The following PLCG2 variants were observed in gnomAD, a reference collection of about 807,000 sequenced individuals.
The protein encoded by PLCG2 is phospholipase C gamma 2, also known as 1-phosphatidylinositol 4,5-bisphosphate phosphodiesterase gamma-2.
Under a neutral mutation model 175.6 loss-of-function variants are expected in PLCG2, and 69 were observed. The observed-to-expected ratio is 0.39, with a 90% CI of 0.32 to 0.48. PLCG2 has a LOEUF of 0.48. Among genes scored for constraint, PLCG2 ranks in the 20% least tolerant of loss-of-function variants. The pLI, the probability that PLCG2 is intolerant of heterozygous loss-of-function variation, is 0.91. For missense variants in PLCG2, 1,798 were observed against 1,650.9 expected (o/e 1.09, Z -1.54); for synonymous variants, 827 against 624.0 (o/e 1.33, Z -4.85).
At chr16:81,942,659 T>TTTATC (rs1369372493) in intron 30 of PLCG2, among the ~76,000 whole-genome samples, 1 of 152,146 alleles carries the variant, frequency 6.6e-6, no homozygotes, top group African/African-American at 2.4e-5. Context: ...TGAAAGGGGT[T>TTTATC]TTATCTTTGG....
At chr16:81,883,689 C>A (rs1908207602) in intron 9 of PLCG2, 1 of 325,234 alleles carries the variant, frequency 3.1e-6, no homozygotes, top group Non-Finnish European at 5.8e-6. Context: ...TGGCCATCAT[C>A]TCAGGTGTCA....
chr16:81,831,561 C>G (rs548178480), intron 2 of PLCG2, among the ~76,000 whole-genome samples: 4 of 152,346 alleles, frequency 2.6e-5, no homozygotes, highest in African/African-American at 9.6e-5. Context: ...CAACCCCATA[C>G]TCCAGTTGGG....
intron 31 of PLCG2, among the ~76,000 whole-genome samples, chr16:81,947,804 C>G (rs768689501): frequency 6.6e-6 from 1 of 152,086 alleles, no homozygotes; most frequent in Admixed American, 6.5e-5. Context: ...ATTTTATTAC[C>G]TACTGTATTT....
chr16:81,904,455 G>A (rs537593826), intron 14 of PLCG2, among the ~76,000 whole-genome samples: 1 of 152,194 alleles, frequency 6.6e-6, no homozygotes, highest in Non-Finnish European at 1.5e-5. Flanking sequence ...TAATCTTGCA[G>A]ATGAGAAGCC....
intron 2 of PLCG2, among the ~76,000 whole-genome samples, chr16:81,756,821 G>T (rs1424881416): frequency 6.6e-6 from 1 of 152,180 alleles, no homozygotes; most frequent in African/African-American, 2.4e-5. Flanking sequence ...CAGTGAGCTT[G>T]CTGCCTTATC....
At chr16:81,761,097 A>G (rs767919114) in intron 2 of PLCG2, among the ~76,000 whole-genome samples, 4 of 152,156 alleles carry the variant, frequency 2.6e-5, no homozygotes, top group Non-Finnish European at 4.4e-5. Context: ...AGGTTTCACT[A>G]TGTTGCCCAG....
chr16:81,779,910 T>G (rs1176076929), intron 1 of PLCG2, among the ~76,000 whole-genome samples: 2 of 152,188 alleles, frequency 1.3e-5, no homozygotes, highest in South Asian at 4.1e-4. Flanking sequence ...CGGAGACTTT[T>G]GGAGAGCTTG....
At chr16:81,832,016 G>A (rs1178721913) in intron 2 of PLCG2, among the ~76,000 whole-genome samples, 1 of 152,174 alleles carries the variant, frequency 6.6e-6, no homozygotes, top group Non-Finnish European at 1.5e-5. Flanking sequence ...AGCCAGTCAT[G>A]CCCCACCATT....
At chr16:81,860,166 A>ATTT (rs1264129417) in intron 5 of PLCG2, among the ~76,000 whole-genome samples, 3 of 99,668 alleles carry the variant, frequency 3.0e-5, no homozygotes, top group East Asian at 2.3e-4. Flanking sequence ...TATTATTATT[A>ATTT]TTATTATTTT....
At chr16:81,909,911 C>G (rs1042542759) in intron 17 of PLCG2, among the ~76,000 whole-genome samples, 4 of 150,416 alleles carry the variant, frequency 2.7e-5, no homozygotes, top group African/African-American at 9.8e-5. Flanking sequence ...CACGGGTGAC[C>G]TGCTCCAGGA....
At chr16:81,790,711 A>G (rs1567465671) in intron 2 of PLCG2, among the ~76,000 whole-genome samples, 1 of 152,162 alleles carries the variant, frequency 6.6e-6, no homozygotes, top group East Asian at 1.9e-4. Flanking sequence ...CCTGGGTAAA[A>G]TACCTAGGTC....
At chr16:81,935,824 T>C in intron 26 of PLCG2, 1 of 985,302 alleles carries the variant, frequency 1.0e-6, no homozygotes, top group Non-Finnish European at 1.2e-6. Flanking sequence ...CCTCCCAAGA[T>C]CTTCTCCTAC....
intron 10 of PLCG2, among the ~76,000 whole-genome samples, chr16:81,891,184 C>T (rs1009939851): frequency 1.1e-4 from 17 of 152,050 alleles, no homozygotes; most frequent in Admixed American, 1.0e-3. Flanking sequence ...AAAGAAAAAC[C>T]AACAACAATG....
intron 14 of PLCG2, among the ~76,000 whole-genome samples, chr16:81,904,559 C>T (rs976609401): frequency 6.6e-6 from 1 of 152,172 alleles, no homozygotes; most frequent in African/African-American, 2.4e-5. Context: ...TAGTCTAATC[C>T]CCATTGGGTC....
intron 2 of PLCG2, among the ~76,000 whole-genome samples, chr16:81,796,683 A>T (rs1171785151): frequency 6.6e-6 from 1 of 152,220 alleles, no homozygotes; most frequent in Non-Finnish European, 1.5e-5. Flanking sequence ...TGGTTTCCTT[A>T]TGAGAAGAGG....
At chr16:81,842,396 G>A (rs1905882617) in intron 2 of PLCG2, among the ~76,000 whole-genome samples, 1 of 152,182 alleles carries the variant, frequency 6.6e-6, no homozygotes. Context: ...CCCAGACTCG[G>A]AGCCGTCTGA....
intron 32 of PLCG2, among the ~76,000 whole-genome samples, chr16:81,957,166 G>A (rs45482302): frequency 5.9e-5 from 9 of 152,226 alleles, no homozygotes; most frequent in Admixed American, 4.6e-4. Context: ...GGGCATGGTC[G>A]TGGGCGCCTG....
rs1218224905 is a variant in PLCG2, at chr16:81,946,156, C to G, written c.3482-19C>G. 6.2e-7 allele frequency: 1 copy of G among 1,600,894 alleles called. No homozygotes were observed. Among genetic ancestry groups the G allele is most frequent in the Non-Finnish European group, 8.6e-7 (1 of 1,168,132 alleles). ...CATTAATTACCTGCCTTTGCATTTT[C>G]CTCCTTGTTCTGCTTCAGGATTCAG... On this transcript the variant is annotated intron_variant, in intron 30 of 32. Coordinates refer to ENST00000564138, the MANE Select transcript of PLCG2 (RefSeq NM_002661.5).
intron 7 of PLCG2, among the ~76,000 whole-genome samples, chr16:81,871,196 T>C (rs371002403): frequency 3.9e-5 from 6 of 152,306 alleles, no homozygotes; most frequent in South Asian, 4.1e-4. Context: ...ATAAGTTTGA[T>C]TGGAATTTGA....
Sources: allele counts gnomAD v4.1 joint callset (sites outside exome capture counted in the v4.1 genomes callset), GRCh38; gene constraint gnomAD v4.1.1; transcripts MANE v1.5; gene names NCBI Gene and HGNC (gene_info 2026-07-23, HGNC 2026-07-21).